The following TTC39A variants were observed in gnomAD, a reference collection of about 807,000 sequenced individuals.
TTC39A encodes tetratricopeptide repeat domain 39A, also known as tetratricopeptide repeat protein 39A.
In TTC39A, 46 loss-of-function variants were observed where a neutral mutation model predicts 82.3. The observed-to-expected ratio is 0.56, with a 90% CI of 0.44 to 0.71. The LOEUF is 0.71. Among genes scored for constraint, TTC39A ranks in the 30% least tolerant of loss-of-function variants. The pLI, the probability that TTC39A is intolerant of heterozygous loss-of-function variation, is 0.00. For synonymous variants in TTC39A, 254 were observed against 275.2 expected (o/e 0.92, Z 0.76); for missense variants, 543 against 712.9 (o/e 0.76, Z 2.71).
intron 13 of TTC39A, chr1:51,295,846 T>C (rs908721436): frequency 5.1e-6 from 3 of 591,048 alleles, no homozygotes; most frequent in African/African-American, 3.7e-5. Flanking sequence ...AAACCATTTC[T>C]GTGAAAGAAA....
rs781250118 is a variant in TTC39A at position 51,296,026 on chromosome 1, C to T, written c.1145+53G>A. ...GGTGGCCTGGCTGGTCTGTCCATAGCGGCCTACACGGTGGGAGTGGCCTAC... is the reference window on the plus strand; with the variant it reads ...GGTGGCCTGGCTGGTCTGTCCATAGTGGCCTACACGGTGGGAGTGGCCTAC... On this transcript the variant is annotated intron_variant, in intron 13 of 17. Coordinates refer to ENST00000680483, the MANE Select transcript of TTC39A (RefSeq NM_001297663.2). The T allele has an allele frequency of 6.5e-6, 10 of 1,536,838 alleles. No homozygotes were observed. In the Admixed American group the frequency reaches 7.8e-5, roughly 12 times the overall value.
intron 1 of TTC39A, among the ~76,000 whole-genome samples, chr1:51,329,109 C>T (rs949795192): frequency 3.3e-5 from 5 of 152,166 alleles, no homozygotes; most frequent in Admixed American, 6.5e-5. Flanking sequence ...CAGAGGTGCC[C>T]GGGGTTGTAG....
intron 1 of TTC39A, among the ~76,000 whole-genome samples, chr1:51,337,200 A>G (rs1376759193): frequency 6.6e-6 from 1 of 151,902 alleles, no homozygotes; most frequent in Non-Finnish European, 1.5e-5. Context: ...GTATGCTCCC[A>G]TCATCTCCCG....
chr1:51,311,522 G>A (rs558052732), intron 4 of TTC39A, among the ~76,000 whole-genome samples: 1 of 152,324 alleles, frequency 6.6e-6, no homozygotes, highest in South Asian at 2.1e-4. Context: ...AAGCACCACT[G>A]TAGGTGCTGT....
chr1:51,338,440 C>T (rs1645999235), intron 1 of TTC39A, among the ~76,000 whole-genome samples: 1 of 151,692 alleles, frequency 6.6e-6, no homozygotes, highest in East Asian at 1.9e-4. Flanking sequence ...TTACAGATCA[C>T]AGAGAAAGGG....
chr1:51,302,416 C>T lies in TTC39A; in HGVS notation c.832G>A (p.Gly278Ser), dbSNP rs746564184. 2 of 1,609,326 alleles carry T rather than the reference C, an allele frequency of 1.2e-6. No homozygotes were observed. Among genetic ancestry groups the T allele is most frequent in the African/African-American group, 1.3e-5 (1 of 74,824 alleles). ...LKPYLNRYPKGAIFLFFAGRI... is the reference protein window; with the variant it reads ...LKPYLNRYPKSAIFLFFAGRI... Reference sequence around the variant, plus strand: ...CCTGCAAAGAACAGGAAGATGGCACCCTGCAATGACACACATGTAAGTCCG... The same window carrying T: ...CCTGCAAAGAACAGGAAGATGGCACTCTGCAATGACACACATGTAAGTCCG... Residue 278 changes from glycine to serine, a missense_variant and splice_region_variant, in exon 11 of 18, where the codon GGT (glycine) becomes AGT (serine). By Grantham distance (56) the Gly-to-Ser change is moderately conservative. Coordinates refer to ENST00000680483, the MANE Select transcript of TTC39A (RefSeq NM_001297663.2).
chr1:51,293,565 A>G (rs1644301846), intron 14 of TTC39A, among the ~76,000 whole-genome samples: 1 of 152,202 alleles, frequency 6.6e-6, no homozygotes, highest in Non-Finnish European at 1.5e-5. Flanking sequence ...GGAAGAGGGA[A>G]CCGACCTAAA....
chr1:51,333,084 C>T (rs926394579), upstream of TTC39A, among the ~76,000 whole-genome samples: 16 of 151,800 alleles, frequency 1.1e-4, no homozygotes, highest in Admixed American at 5.9e-4. Context: ...TGGTGGCGCA[C>T]GCCTGTAATC....
intron 1 of TTC39A, among the ~76,000 whole-genome samples, chr1:51,336,626 A>G (rs1182770860): frequency 6.6e-6 from 1 of 152,096 alleles, no homozygotes; most frequent in Non-Finnish European, 1.5e-5. Context: ...TTGGGATGCA[A>G]AGACAGGAAG....
chr1:51,307,832 A>G (rs1453276227), intron 6 of TTC39A, among the ~76,000 whole-genome samples: 8 of 152,132 alleles, frequency 5.3e-5, no homozygotes, highest in African/African-American at 9.7e-5. Flanking sequence ...TAACATCTTA[A>G]CCAATTTTAA....
chr1:51,316,892 C>T lies in TTC39A; in HGVS notation c.147-3949G>A, dbSNP rs554994250. Among the ~76,000 whole-genome samples the T allele has an allele frequency of 3.3e-5, 5 of 152,304 alleles. No homozygotes were observed. In the East Asian group the frequency reaches 9.7e-4, roughly 29 times the overall value. ...CAAGGGGGAGGGCAAACCACACACA[C>T]AGCAGTCAGTGTGTGGTTTGTGCAG... On this transcript the variant is annotated intron_variant, in intron 2 of 17. Coordinates refer to ENST00000680483, the MANE Select transcript of TTC39A (RefSeq NM_001297663.2).
Position 51,321,638 on chromosome 1 carries a change from C to T in TTC39A, c.146+83G>A, listed in dbSNP as rs2148279038. On this transcript the variant is annotated intron_variant, in intron 2 of 17. Transcript: ENST00000680483. This position sits in a 1 kb window ranked among gnomAD's most constrained non-coding sequence, Gnocchi z 4.6. ...CCAGAAAGCCAAAGGCATTTAGTTA[C>T]ACAGGGTTCCTCTCATACAAGACCT... The T allele has an allele frequency of 7.6e-7, 1 of 1,322,182 alleles. No homozygotes were observed. The highest frequency in any genetic ancestry group is 2.5e-5 in the East Asian group (1 of 40,782). 81.9% of individuals were successfully genotyped at this position (1,322,182 alleles called of 1,614,324 possible).
At chr1:51,339,704 A>T (rs1184861155) in intron 1 of TTC39A, among the ~76,000 whole-genome samples, 1 of 152,206 alleles carries the variant, frequency 6.6e-6, no homozygotes, top group African/African-American at 2.4e-5. Flanking sequence ...TGGGAGGATC[A>T]CTTGAGGCCA....
intron 12 of TTC39A, chr1:51,300,339 T>G (rs933444205): frequency 6.6e-6 from 1 of 152,334 alleles, no homozygotes; most frequent in Non-Finnish European, 1.5e-5. Context: ...CCCCTTCAGC[T>G]TGGTCCCCAG....
Position 51,323,987 on chromosome 1 carries a change from T to A in TTC39A, c.42-2162A>T, listed in dbSNP as rs554401426. Among the ~76,000 whole-genome samples, 5 of 152,286 alleles carry A rather than the reference T, an allele frequency of 3.3e-5. No individual in the cohort carries two copies. In the South Asian group the frequency reaches 1.0e-3, roughly 32 times the overall value. On this transcript the variant is annotated intron_variant, in intron 1 of 17. Coordinates refer to ENST00000680483, the MANE Select transcript of TTC39A (RefSeq NM_001297663.2). The stretch of plus-strand genomic sequence containing the variant: ...GATCCAAAGGGACTGTGGGACAGGA[T>A]ACATTGCTCCAGGAAGGATTTTTCA...
chr1:51,309,694 C>T (rs986001891), intron 5 of TTC39A, among the ~76,000 whole-genome samples: 1 of 152,160 alleles, frequency 6.6e-6, no homozygotes, highest in African/African-American at 2.4e-5. Flanking sequence ...AAATGTAAAG[C>T]TCTGTTGCCT....
intron 8 of TTC39A, among the ~76,000 whole-genome samples, chr1:51,304,286 A>C (rs902460649): frequency 6.6e-6 from 1 of 152,216 alleles, no homozygotes; most frequent in Admixed American, 6.5e-5. Flanking sequence ...ATTTCAGTAA[A>C]AGTCATGAGT....
chr1:51,333,458 G>A (rs1274641522), upstream of TTC39A, among the ~76,000 whole-genome samples: 2 of 152,220 alleles, frequency 1.3e-5, no homozygotes, highest in Non-Finnish European at 2.9e-5. Context: ...CCTTGGCAGG[G>A]GCCAGGTAAG....
upstream of TTC39A, chr1:51,334,769 G>A (rs1173807686): frequency 6.6e-6 from 1 of 152,278 alleles, no homozygotes; most frequent in African/African-American, 2.4e-5. Flanking sequence ...AATGAGCTCA[G>A]TAAGGGAAGC....
Sources: allele counts gnomAD v4.1 joint callset (sites outside exome capture counted in the v4.1 genomes callset), GRCh38; gene constraint gnomAD v4.1.1; non-coding constraint Gnocchi (gnomAD v3.1); transcripts MANE v1.5; gene names NCBI Gene and HGNC (gene_info 2026-07-23, HGNC 2026-07-21).